SLC24A2: variants seen among roughly 807,000 people sequenced by gnomAD.
SLC24A2 encodes solute carrier family 24 member 2, also known as sodium/potassium/calcium exchanger 2.
Under a neutral mutation model 62.0 loss-of-function variants are expected in SLC24A2, and 36 were observed. The ratio of observed to expected loss-of-function variants is 0.58; its 90% CI spans 0.44 to 0.77. The LOEUF (loss-of-function observed/expected upper bound fraction) is 0.77. SLC24A2 is among the 30% of genes least tolerant of loss of function. The pLI, the probability that SLC24A2 is intolerant of heterozygous loss-of-function variation, is 0.00. For missense variants in SLC24A2, 846 were observed against 817.9 expected, an observed-to-expected ratio of 1.03 and a Z score of -0.42; for synonymous variants, 358 against 294.0, an observed-to-expected ratio of 1.22 and a Z score of -2.23.
At chr9:20,086,303 C>A in the SLC24A2 span, among the ~76,000 whole-genome samples, 1 of 152,104 alleles carries the variant, frequency 6.6e-6, no homozygotes, top group Non-Finnish European at 1.5e-5. Flanking sequence ...CCACATGGCC[C>A]GTATTTCCAG....
chr9:19,703,267 T>C (rs1045180323), intron 2 of SLC24A2, among the ~76,000 whole-genome samples: 1 of 152,200 alleles, frequency 6.6e-6, no homozygotes, highest in Non-Finnish European at 1.5e-5. Context: ...AAGCTAGGGC[T>C]CAGAGAGATT....
chr9:19,947,807 AAAAAGAAAGAAAG>A, the SLC24A2 span, among the ~76,000 whole-genome samples: 5 of 112,202 alleles, frequency 4.5e-5, no homozygotes, highest in South Asian at 3.2e-4. Flanking sequence ...AAAAAAAAAA[AAAAAGAAAGAAAG>A]AAAGAAAGAA....
the SLC24A2 span, among the ~76,000 whole-genome samples, chr9:20,195,965 G>A: frequency 1.3e-5 from 2 of 152,038 alleles, no homozygotes; most frequent in East Asian, 1.9e-4. Context: ...ACATGAACAG[G>A]CAAATAATAA....
chr9:20,272,310 G>C, the SLC24A2 span, among the ~76,000 whole-genome samples: 1 of 152,174 alleles, frequency 6.6e-6, no homozygotes, highest in African/African-American at 2.4e-5. Flanking sequence ...AGATTTCTGT[G>C]ATCATTCCTA....
the SLC24A2 span, chr9:19,957,792 A>C: frequency 6.6e-6 from 1 of 152,294 alleles, no homozygotes; most frequent in African/African-American, 2.4e-5. Context: ...AGGGTCATTC[A>C]AGCGGCCTCT....
At chr9:19,978,260 A>G in the SLC24A2 span, among the ~76,000 whole-genome samples, 2 of 152,204 alleles carry the variant, frequency 1.3e-5, no homozygotes, top group Admixed American at 6.5e-5. Context: ...TCATATGATC[A>G]TTCAATACCA....
At position 19,742,576 on chromosome 9, in the gene SLC24A2, G is replaced by C. The variant is rs78570266; in HGVS notation, c.930+43361C>G. ...TACCTGTTCTTAAATTTTTTTTTAA[G>C]TATAGGAAGGTTGGAACCTTTCCTT... On this transcript the variant is annotated intron_variant, in intron 2 of 10. Coordinates refer to ENST00000341998, the MANE Select transcript of SLC24A2 (RefSeq NM_020344.4). Among the ~76,000 whole-genome samples, 75 of 152,126 alleles carry C rather than the reference G, an allele frequency of 4.9e-4. 1 individual carries two copies. The East Asian group carries it at 0.012, about 25-fold the overall frequency.
the SLC24A2 span, among the ~76,000 whole-genome samples, chr9:19,851,633 C>T: frequency 6.6e-6 from 1 of 152,118 alleles, no homozygotes. Context: ...CCACCTCCAT[C>T]CATGTCCCTG....
chr9:19,531,265 T>C (rs1833696543), intron 8 of SLC24A2, among the ~76,000 whole-genome samples: 1 of 152,172 alleles, frequency 6.6e-6, no homozygotes, highest in Admixed American at 6.5e-5. Flanking sequence ...TTCCCCTTAC[T>C]TGGACAGCAT....
At chr9:19,836,632 C>T in the SLC24A2 span, among the ~76,000 whole-genome samples, 8 of 152,124 alleles carry the variant, frequency 5.3e-5, no homozygotes, top group East Asian at 1.9e-4. Context: ...GATTCACAGC[C>T]GAATTCTACC....
intron 7 of SLC24A2, among the ~76,000 whole-genome samples, chr9:19,566,931 C>T (rs144660310): frequency 0.011 from 1,538 of 137,614 alleles, 23 homozygotes; most frequent in African/African-American, 0.038. Context: ...GGACACAGGA[C>T]GGGGAACATC....
the SLC24A2 span, among the ~76,000 whole-genome samples, chr9:20,178,457 C>A: frequency 6.6e-6 from 1 of 152,272 alleles, no homozygotes; most frequent in East Asian, 1.9e-4. Context: ...CTGAAAGCTA[C>A]TGACATCTGA....
chr9:19,735,333 C>G (rs1409244759), intron 2 of SLC24A2, among the ~76,000 whole-genome samples: 1 of 151,990 alleles, frequency 6.6e-6, no homozygotes, highest in East Asian at 1.9e-4. Context: ...GTTAGAATGG[C>G]AATCATTAAA....
chr9:20,097,463 T>C, the SLC24A2 span, among the ~76,000 whole-genome samples: 1 of 152,172 alleles, frequency 6.6e-6, no homozygotes, highest in Non-Finnish European at 1.5e-5. Flanking sequence ...TAGTTGGATG[T>C]TGGGAGTCAA....
the SLC24A2 span, among the ~76,000 whole-genome samples, chr9:19,865,822 G>T: frequency 6.6e-6 from 1 of 152,124 alleles, no homozygotes. Context: ...GATAAGCACA[G>T]GCAACCAAAG....
At chr9:19,530,799 T>C (rs1833671344) in intron 8 of SLC24A2, among the ~76,000 whole-genome samples, 2 of 152,200 alleles carry the variant, frequency 1.3e-5, no homozygotes, top group Admixed American at 1.3e-4. Flanking sequence ...ATATTCTTTG[T>C]GAATTTTCAG....
At chr9:20,295,133 C>T in the SLC24A2 span, among the ~76,000 whole-genome samples, 1 of 151,720 alleles carries the variant, frequency 6.6e-6, no homozygotes, top group Admixed American at 6.6e-5. Flanking sequence ...ATGCCACAAT[C>T]CAGAATGTCA....
chr9:19,883,307 C>A, the SLC24A2 span, among the ~76,000 whole-genome samples: 1 of 152,112 alleles, frequency 6.6e-6, no homozygotes, highest in African/African-American at 2.4e-5. Context: ...ATTGTTATGT[C>A]TAGACTGAAA....
chr9:20,072,993 A>G, the SLC24A2 span, among the ~76,000 whole-genome samples: 1 of 152,330 alleles, frequency 6.6e-6, no homozygotes, highest in African/African-American at 2.4e-5. Flanking sequence ...GAGACATCAC[A>G]CACAGCCCCA....
Sources: allele counts gnomAD v4.1 joint callset (sites outside exome capture counted in the v4.1 genomes callset), GRCh38; gene constraint gnomAD v4.1.1; transcripts MANE v1.5; gene names NCBI Gene and HGNC (gene_info 2026-07-23, HGNC 2026-07-21).